ACACA: variants seen among roughly 807,000 people sequenced by gnomAD.
The protein encoded by ACACA is acetyl-CoA carboxylase alpha, also known as acetyl-CoA carboxylase 1.
ACACA carries 103 observed loss-of-function variants against 296.1 expected under a neutral mutation model. The ratio of observed to expected loss-of-function variants is 0.35; its 90% CI spans 0.30 to 0.41. The LOEUF (loss-of-function observed/expected upper bound fraction) is 0.41. Among genes scored for constraint, ACACA ranks in the 10% least tolerant of loss-of-function variants. The probability of loss-of-function intolerance (pLI) is 1.00; values close to 1 mark genes in which losing one functional copy is unlikely to be tolerated. For missense variants in ACACA, 1,554 were observed against 2,989.7 expected, an observed-to-expected ratio of 0.52 and a Z score of 11.20; for synonymous variants, 953 against 1,038.6, an observed-to-expected ratio of 0.92 and a Z score of 1.58.
intron 1 of ACACA, among the ~76,000 whole-genome samples, chr17:37,367,878 G>A (rs2049663044): frequency 6.6e-6 from 1 of 152,066 alleles, no homozygotes; most frequent in South Asian, 2.1e-4. Flanking sequence ...GATGAACCTG[G>A]CCAACATGAT....
chr17:37,144,356 C>T (rs779999565), intron 45 of ACACA: 26 of 484,692 alleles, frequency 5.4e-5, no homozygotes, highest in Non-Finnish European at 7.2e-5. Flanking sequence ...TCGCTTGCCC[C>T]GGCGCTGTCT....
chr17:37,125,598 C>A, intron 48 of ACACA, 100 bp downstream of exon 48: 2 of 1,103,458 alleles, frequency 1.8e-6, no homozygotes, highest in Middle Eastern at 2.2e-4. Context: ...ACAGTTCAGA[C>A]AAAGAGAACA....
chr17:37,191,421 C>T (rs1598123546), intron 37 of ACACA, 146 bp from the exon 38 acceptor site: 1 of 845,342 alleles, frequency 1.2e-6, no homozygotes, highest in East Asian at 2.6e-5. Context: ...AGAGTCAGTC[C>T]AGTAACCACA....
chr17:37,191,426 AC>A, intron 37 of ACACA, 151 bp from the exon 38 acceptor site: 1 of 825,572 alleles, frequency 1.2e-6, no homozygotes, highest in Non-Finnish European at 1.9e-6. Flanking sequence ...CAGTCCAGTA[AC>A]CACAGGGAGC....
chr17:37,275,862 A>ATACC, intron 8 of ACACA, 89 bp downstream of exon 8: 1 of 1,091,496 alleles, frequency 9.2e-7, no homozygotes, highest in Non-Finnish European at 1.4e-6. Context: ...CTTGTCAAGT[A>ATACC]TACCAATACT....
At chr17:37,103,420 T>A (rs1391585240) in intron 52 of ACACA, among the ~76,000 whole-genome samples, 2 of 152,196 alleles carry the variant, frequency 1.3e-5, no homozygotes, top group Non-Finnish European at 2.9e-5. Context: ...CCTGTACAAT[T>A]AAATATCTTG....
chr17:37,203,120 C>A (rs565632683), intron 33 of ACACA, among the ~76,000 whole-genome samples: 2 of 151,890 alleles, frequency 1.3e-5, no homozygotes, highest in African/African-American at 4.8e-5. Context: ...CGCCACCACA[C>A]CTGGCTAATT....
chr17:37,359,283 G>C (rs533780876), intron 1 of ACACA, among the ~76,000 whole-genome samples: 17 of 152,170 alleles, frequency 1.1e-4, no homozygotes, highest in Admixed American at 2.6e-4. Flanking sequence ...AGGGCCGCCG[G>C]GGGGCGAGGC....
intron 1 of ACACA, among the ~76,000 whole-genome samples, chr17:37,359,926 G>A (rs1002069883): frequency 1.3e-5 from 2 of 151,950 alleles, no homozygotes; most frequent in African/African-American, 4.8e-5. Flanking sequence ...GAAGGGGAAT[G>A]TACCAAAGAA....
intron 1 of ACACA, among the ~76,000 whole-genome samples, chr17:37,382,490 A>ATGGAAAAAACTTTAAACTCTAGAC (rs1229694357): frequency 6.6e-6 from 1 of 152,146 alleles, no homozygotes; most frequent in Non-Finnish European, 1.5e-5. Context: ...AAGCAGAATA[A>ATGGAAAAAACTTTAAACTCTAGAC]TGGAAAAAAC....
intron 11 of ACACA, among the ~76,000 whole-genome samples, chr17:37,260,274 ATATATATATATATATATATATATTT>A (rs2081410091): frequency 3.6e-5 from 1 of 27,844 alleles, no homozygotes; most frequent in African/African-American, 2.1e-4. Flanking sequence ...ATATATATAT[ATATATATATATATATATATATATTT>A]TTTTTTTTTT....
At chr17:37,278,191 G>A (rs920242247) in intron 5 of ACACA, among the ~76,000 whole-genome samples, 186 bp from the exon 6 acceptor site, 1 of 152,148 alleles carries the variant, frequency 6.6e-6, no homozygotes, top group Non-Finnish European at 1.5e-5. Flanking sequence ...GCACTAATAC[G>A]AGTTAATCCC....
chr17:37,342,826 A>G (rs1419476611), intron 1 of ACACA, among the ~76,000 whole-genome samples: 1 of 151,544 alleles, frequency 6.6e-6, no homozygotes, highest in East Asian at 1.9e-4. Context: ...CCATGGTCCC[A>G]GCTACTTGGG....
At chr17:37,178,582 G>C (rs141605636) in intron 41 of ACACA, among the ~76,000 whole-genome samples, 27 of 152,306 alleles carry the variant, frequency 1.8e-4, no homozygotes, top group Middle Eastern at 3.4e-3. Context: ...GCTGAGGCAG[G>C]CAGATTGCTT....
intron 25 of ACACA, among the ~76,000 whole-genome samples, chr17:37,230,376 C>T (rs2079800019): frequency 7.0e-6 from 1 of 142,110 alleles, no homozygotes; most frequent in African/African-American, 2.6e-5. Flanking sequence ...AAGAGCGAAA[C>T]TCCATCTCAA....
Position 37,244,533 on chromosome 17 carries a change from T to C in ACACA, c.2742+55A>G, listed in dbSNP as rs576018960. 5.1e-5 allele frequency: 82 copies of C among 1,597,722 alleles called. 1 individual carries two copies. In the South Asian group the frequency reaches 8.7e-4, roughly 17 times the overall value. On this transcript the variant is annotated intron_variant, in intron 21 of 55. Coordinates refer to ENST00000616317, the MANE Select transcript of ACACA (RefSeq NM_198834.3). ...AATCATTATGAGACTTGGAACTATT[T>C]TGGAGAATAGGTATCCCATTTGTAC... is the stretch of plus-strand genomic sequence containing the variant.
Position 37,242,024 on chromosome 17 carries a change from A to G in ACACA, c.2961T>C (p.Ala987=). 1 of 1,614,038 alleles carries G rather than the reference A, an allele frequency of 6.2e-7. No homozygotes were observed. Among genetic ancestry groups the G allele is most frequent in the Non-Finnish European group, 8.5e-7 (1 of 1,179,992 alleles). Residue 987 remains alanine (A), a synonymous_variant, in exon 23 of 56, where the codon GCT becomes GCC. Coordinates refer to ENST00000616317, the MANE Select transcript of ACACA (RefSeq NM_198834.3). ...QIANILDSHA[A]TLNRKSEREV... The stretch of plus-strand genomic sequence containing the variant: ...CCCGTTCAGATTTCCGGTTCAATGT[A>G]GCTGCATGGCTATCTAGGATGTTTG...
At chr17:37,165,675 A>ATTT (rs61254387) in intron 41 of ACACA, among the ~76,000 whole-genome samples, 5 of 139,704 alleles carry the variant, frequency 3.6e-5, no homozygotes, top group South Asian at 2.3e-4. Context: ...TGTGTAGAGA[A>ATTT]TTTTTTTTTT....
chr17:37,291,338 G>A (rs944734323), intron 3 of ACACA, among the ~76,000 whole-genome samples: 7 of 151,720 alleles, frequency 4.6e-5, no homozygotes, highest in South Asian at 2.1e-4. Context: ...CACCATGCCC[G>A]GCTAATTTTG....
Sources: allele counts gnomAD v4.1 joint callset (sites outside exome capture counted in the v4.1 genomes callset), GRCh38; gene constraint gnomAD v4.1.1; transcripts MANE v1.5; gene names NCBI Gene and HGNC (gene_info 2026-07-23, HGNC 2026-07-21).